Variants in TLL1 observed in about 807,000 individuals in gnomAD.
TLL1 encodes tolloid like 1, also known as tolloid-like protein 1.
Under a neutral mutation model 128.2 loss-of-function variants are expected in TLL1, and 49 were observed. The ratio of observed to expected loss-of-function variants is 0.38; its 90% confidence interval spans 0.30 to 0.48. The LOEUF is 0.48. Among genes scored for constraint, TLL1 ranks in the 20% least tolerant of loss-of-function variants. The pLI, the probability that TLL1 is intolerant of heterozygous loss-of-function variation, is 0.96. For missense variants in TLL1, 1,123 were observed against 1,242.0 expected, an observed-to-expected ratio of 0.90 and a Z score of 1.44; for synonymous variants, 454 against 418.8, an observed-to-expected ratio of 1.08 and a Z score of -1.03.
rs759057967 is a variant in TLL1 at position 166,043,437 on chromosome 4, A to G, written c.1524+18A>G. 1.9e-6 allele frequency: 3 copies of G among 1,614,044 alleles called. No individual in the cohort carries two copies. Among genetic ancestry groups the G allele is most frequent in the East Asian group, 2.2e-5 (1 of 44,862 alleles). ...CCTTTGAGGTAAAGTCTTTTAGGCT[A>G]TCTTCCTGGCAAATATTCTCCATAA... On this transcript the variant is annotated intron_variant, in intron 12 of 20. Transcript: ENST00000061240.
intron 1 of TLL1, among the ~76,000 whole-genome samples, chr4:165,880,371 G>A (rs984274241): frequency 6.6e-6 from 1 of 152,188 alleles, no homozygotes; most frequent in African/African-American, 2.4e-5. Flanking sequence ...GTGAAGCAAG[G>A]TGGTGTTTAT....
At chr4:165,913,141 AC>A (rs1732616751) in intron 1 of TLL1, among the ~76,000 whole-genome samples, 1 of 152,222 alleles carries the variant, frequency 6.6e-6, no homozygotes, top group African/African-American at 2.4e-5. Flanking sequence ...ACTTAAAAAA[AC>A]ACCAACAAAA....
intron 1 of TLL1, among the ~76,000 whole-genome samples, chr4:165,931,372 T>G (rs1733505328): frequency 6.6e-6 from 1 of 152,192 alleles, no homozygotes; most frequent in Non-Finnish European, 1.5e-5. Flanking sequence ...AGGTTTCTTT[T>G]GGGTTTACTT....
At chr4:166,045,467 C>T (rs528131514) in intron 12 of TLL1, among the ~76,000 whole-genome samples, 19 of 152,164 alleles carry the variant, frequency 1.2e-4, no homozygotes, top group Non-Finnish European at 2.5e-4. Context: ...ACCTCATACA[C>T]GATGACTTTA....
At chr4:166,012,088 G>A (rs1273412356) in intron 7 of TLL1, among the ~76,000 whole-genome samples, 1 of 151,530 alleles carries the variant, frequency 6.6e-6, no homozygotes, top group Non-Finnish European at 1.5e-5. Flanking sequence ...TAATATACAT[G>A]CTTCTGAACT....
intron 1 of TLL1, among the ~76,000 whole-genome samples, chr4:165,966,664 C>T (rs574484669): frequency 1.6e-4 from 25 of 152,136 alleles, no homozygotes; most frequent in African/African-American, 1.9e-4. Context: ...CGGCAGGTTC[C>T]GTGACGTCCC....
chr4:166,025,546 A>G, intron 9 of TLL1, 115 bp downstream of exon 9: 2 of 831,068 alleles, frequency 2.4e-6, no homozygotes, highest in Non-Finnish European at 3.9e-6. Context: ...CAAATGGACT[A>G]AAAAGTTCAG....
At position 165,886,430 on chromosome 4, in the gene TLL1, G is replaced by T. The variant is rs185001610; in HGVS notation, c.169+12357G>T. 3.9e-5 allele frequency among the ~76,000 whole-genome samples: 6 copies of T among 152,102 alleles called. No homozygotes were observed. The East Asian group carries it at 1.2e-3, about 29-fold the overall frequency. ...TATGTTTCAGGAATATGCCTGGGGG[G>T]TACACAAATAAGATGTGTTCTCTTC... On this transcript the variant is annotated intron_variant, in intron 1 of 20. Coordinates refer to ENST00000061240, the MANE Select transcript of TLL1 (RefSeq NM_012464.5).
At chr4:166,063,144 G>GA (rs1388426807) in intron 15 of TLL1, among the ~76,000 whole-genome samples, 3 of 152,058 alleles carry the variant, frequency 2.0e-5, no homozygotes, top group African/African-American at 4.8e-5. Context: ...AAATTTACAA[G>GA]AAAAAATCAA....
intron 1 of TLL1, among the ~76,000 whole-genome samples, chr4:165,932,047 G>A (rs977364391): frequency 6.6e-6 from 1 of 152,212 alleles, no homozygotes; most frequent in Non-Finnish European, 1.5e-5. Flanking sequence ...TTGCAGTTCC[G>A]TATGTCACAC....
intron 1 of TLL1, among the ~76,000 whole-genome samples, chr4:165,953,308 C>A (rs149006827): frequency 6.6e-6 from 1 of 151,986 alleles, no homozygotes; most frequent in Non-Finnish European, 1.5e-5. Context: ...TTTCAGGAAC[C>A]GTGAGGTACA....
At chr4:166,041,323 A>G (rs1013001812) in intron 10 of TLL1, among the ~76,000 whole-genome samples, 1 of 146,420 alleles carries the variant, frequency 6.8e-6, no homozygotes, top group Admixed American at 6.8e-5. Flanking sequence ...TTTTTTTGAA[A>G]TGGAGTCTTG....
At chr4:165,918,056 C>T (rs72970165) in intron 1 of TLL1, among the ~76,000 whole-genome samples, 11,287 of 152,022 alleles carry the variant, frequency 0.074, 897 homozygotes, top group African/African-American at 0.19. Context: ...TTATTAGATA[C>T]GTATCTTACC....
At chr4:165,976,931 G>T (rs1294241171) in intron 1 of TLL1, among the ~76,000 whole-genome samples, 1 of 152,002 alleles carries the variant, frequency 6.6e-6, no homozygotes, top group Non-Finnish European at 1.5e-5. Flanking sequence ...CTTCTCTTTA[G>T]CTCATCATCT....
In TLL1 at chr4:165,994,455, C is replaced by A; in HGVS notation, c.436C>A (p.Pro146Thr). ...FSGQNEKNRVPRAATSRTERI... is the reference protein window; with the variant it reads ...FSGQNEKNRVTRAATSRTERI... ...AGGGCAAAATGAGAAAAATCGAGTT[C>A]CCAGAGCCGCTACATCAAGAACGGA... The change falls in exon 4 of 21, where the codon CCC becomes ACC. Residue 146 changes from proline (P) to threonine (T), a missense_variant. By Grantham distance (38) the Pro-to-Thr change is conservative. Transcript: ENST00000061240. 6.2e-7 allele frequency: 1 copy of A among 1,613,980 alleles called. No individual in the cohort carries two copies.
At chr4:165,914,687 G>C (rs1257884208) in intron 1 of TLL1, among the ~76,000 whole-genome samples, 1 of 152,188 alleles carries the variant, frequency 6.6e-6, no homozygotes, top group African/African-American at 2.4e-5. Flanking sequence ...GACATGGAGT[G>C]CGAAGGTGGA....
At chr4:166,062,446 T>C (rs878924627) in intron 15 of TLL1, among the ~76,000 whole-genome samples, 1 of 152,308 alleles carries the variant, frequency 6.6e-6, no homozygotes, top group East Asian at 1.9e-4. Context: ...CCCTCGTAAG[T>C]TGTATTCCAA....
At chr4:166,099,191 A>G in intron 19 of TLL1, 86 bp from the exon 20 acceptor site, 2 of 1,581,988 alleles carry the variant, frequency 1.3e-6, no homozygotes, top group South Asian at 2.2e-5. Context: ...GACAATGGCT[A>G]GGCTACACTG....
chr4:165,965,187 G>A (rs1171039265), intron 1 of TLL1, among the ~76,000 whole-genome samples: 1 of 152,018 alleles, frequency 6.6e-6, no homozygotes, highest in Non-Finnish European at 1.5e-5. Flanking sequence ...ATATCATGTT[G>A]GGATAGTATT....
Sources: allele counts gnomAD v4.1 joint callset (sites outside exome capture counted in the v4.1 genomes callset), GRCh38; gene constraint gnomAD v4.1.1; transcripts MANE v1.5; gene names NCBI Gene and HGNC (gene_info 2026-07-23, HGNC 2026-07-21).